The following DPY19L3 variants were observed in gnomAD, a reference collection of about 807,000 sequenced individuals.
The protein encoded by DPY19L3 is dpy-19 like C-mannosyltransferase 3.
Under a neutral mutation model 92.3 loss-of-function variants are expected in DPY19L3, and 51 were observed. The observed-to-expected ratio is 0.55, with a 90% CI of 0.44 to 0.70. DPY19L3 has a LOEUF of 0.70. Among genes scored for constraint, DPY19L3 ranks in the 30% least tolerant of loss-of-function variants. DPY19L3 has a pLI of 0.00. For missense variants in DPY19L3, 706 were observed against 855.9 expected (o/e 0.82, Z 2.18); for synonymous variants, 309 against 315.2 (o/e 0.98, Z 0.21).
At chr19:32,468,378 G>A (rs1970258011) in intron 15 of DPY19L3, 2 of 1,017,386 alleles carry the variant, frequency 2.0e-6, no homozygotes, top group Admixed American at 5.4e-5. Context: ...CTAACGGATT[G>A]TGAACTTTCT....
At chr19:32,447,877 A>G (rs528529702) in intron 8 of DPY19L3, among the ~76,000 whole-genome samples, 70 of 151,826 alleles carry the variant, frequency 4.6e-4, no homozygotes, top group African/African-American at 1.6e-3. Context: ...TCTTTGAAAG[A>G]TTAGTAAAAT....
chr19:32,452,017 C>T (rs2145557363), intron 8 of DPY19L3, among the ~76,000 whole-genome samples: 1 of 152,250 alleles, frequency 6.6e-6, no homozygotes, highest in South Asian at 2.1e-4. Context: ...TTTATAGAGA[C>T]ACGGTCTCGC....
intron 3 of DPY19L3, among the ~76,000 whole-genome samples, chr19:32,414,231 T>C (rs573322916): frequency 2.6e-5 from 4 of 152,116 alleles, no homozygotes; most frequent in African/African-American, 9.6e-5. Flanking sequence ...CCATCCTGGC[T>C]AACACGGTGA....
chr19:32,413,264 A>G (rs541013347), intron 3 of DPY19L3: 44 of 152,330 alleles, frequency 2.9e-4, no homozygotes, highest in Admixed American at 1.0e-3. Flanking sequence ...AAGTTTTCCA[A>G]AACATTTTGA....
intron 9 of DPY19L3, among the ~76,000 whole-genome samples, chr19:32,454,601 G>T (rs934519834): frequency 6.6e-5 from 10 of 151,936 alleles, no homozygotes; most frequent in Non-Finnish European, 1.5e-4. Flanking sequence ...AGAAAAAGAT[G>T]TAACAGTTTG....
intron 3 of DPY19L3, among the ~76,000 whole-genome samples, chr19:32,414,885 C>A (rs1039319127): frequency 7.9e-5 from 12 of 152,162 alleles, no homozygotes; most frequent in African/African-American, 2.9e-4. Flanking sequence ...GTTTTTCTCT[C>A]TTTACTTTCA....
Position 32,484,494 on chromosome 19 carries a change from T to C in DPY19L3, c.*2254T>C, listed in dbSNP as rs1384378979. 5 of 152,170 alleles carry C rather than the reference T, an allele frequency of 3.3e-5. No individual in the cohort carries two copies. Among genetic ancestry groups the C allele is most frequent in the Admixed American group, 2.6e-4 (4 of 15,274 alleles). 9.4% of individuals were successfully genotyped at this position (152,170 alleles called of 1,614,324 possible). A position where few individuals can be genotyped will look rare whatever the true frequency, so the allele number is the denominator to read the frequency against. On this transcript the variant is annotated 3_prime_UTR_variant, in exon 19 of 19. Coordinates refer to ENST00000392250, the MANE Select transcript of DPY19L3 (RefSeq NM_001172774.2). ...CCTGGGTGGTGATAACCTCAAAGAA[T>C]GGCTCTGTTTTCTATTGACAGAAAA...
Position 32,484,260 on chromosome 19 carries a change from A to G in DPY19L3, c.*2020A>G, listed in dbSNP as rs1970744132. 6.5e-6 allele frequency: 1 copy of G among 152,750 alleles called. No homozygotes were observed. The highest frequency in any genetic ancestry group is 3.4e-3 in the Middle Eastern group (1 of 294). The allele number at this position is 152,750 out of a possible 1,614,324, so 9.5% of individuals were successfully genotyped here. A position where few individuals can be genotyped will look rare whatever the true frequency, so the allele number is the denominator to read the frequency against. Reference sequence around the variant, plus strand: ...TCTTTCCAAGACACTGTGACCATGTACAGTAGCTATTTCCTGATGACCAAA... The same window carrying G: ...TCTTTCCAAGACACTGTGACCATGTGCAGTAGCTATTTCCTGATGACCAAA... On this transcript the variant is annotated 3_prime_UTR_variant, in exon 19 of 19. Coordinates refer to ENST00000392250, the MANE Select transcript of DPY19L3 (RefSeq NM_001172774.2).
At chr19:32,426,912 G>A (rs966943193) in intron 3 of DPY19L3, among the ~76,000 whole-genome samples, 1 of 152,214 alleles carries the variant, frequency 6.6e-6, no homozygotes, top group Admixed American at 6.5e-5. Flanking sequence ...GCAAAGGGCG[G>A]GAAAGTGAGG....
intron 15 of DPY19L3, 82 bp downstream of exon 15, chr19:32,464,866 TG>T: frequency 2.0e-6 from 2 of 1,002,078 alleles, no homozygotes; most frequent in Non-Finnish European, 2.9e-6. Context: ...GTGTATTATT[TG>T]GCAAATAGAG....
At chr19:32,428,467 C>A (rs1968843857) in intron 3 of DPY19L3, among the ~76,000 whole-genome samples, 1 of 152,096 alleles carries the variant, frequency 6.6e-6, no homozygotes, top group Non-Finnish European at 1.5e-5. Flanking sequence ...TAGGAATAGG[C>A]AGCCAAGGAG....
At chr19:32,453,048 T>C in intron 8 of DPY19L3, 97 bp from the exon 9 acceptor site, 2 of 1,379,322 alleles carry the variant, frequency 1.4e-6, no homozygotes, top group Non-Finnish European at 2.0e-6. Context: ...TCTGCATTAT[T>C]TGTAAGCTGA....
At chr19:32,408,051 C>T (rs1412388703) in intron 1 of DPY19L3, among the ~76,000 whole-genome samples, 166 bp from the exon 2 acceptor site, 2 of 151,790 alleles carry the variant, frequency 1.3e-5, no homozygotes, top group African/African-American at 4.8e-5. Context: ...TGCCGCTGCA[C>T]TCCAGCCTGA....
chr19:32,414,206 G>A (rs1410781222), intron 3 of DPY19L3, among the ~76,000 whole-genome samples: 1 of 152,038 alleles, frequency 6.6e-6, no homozygotes, highest in Non-Finnish European at 1.5e-5. Flanking sequence ...GGATCACGAG[G>A]TTAGGAAATT....
At chr19:32,466,301 G>C (rs945448994) in intron 15 of DPY19L3, among the ~76,000 whole-genome samples, 1 of 152,188 alleles carries the variant, frequency 6.6e-6, no homozygotes, top group Non-Finnish European at 1.5e-5. Context: ...ATGTGTTTGG[G>C]TCCCACTCCA....
In DPY19L3 at chr19:32,437,111, G is replaced by A; in HGVS notation, c.451-83G>A. 2.6e-6 allele frequency: 4 copies of A among 1,539,662 alleles called. No homozygotes were observed. In the East Asian group the frequency reaches 6.7e-5, roughly 26 times the overall value. On this transcript the variant is annotated intron_variant, in intron 5 of 18. Transcript: ENST00000392250. ...AATTAGAGGCAAGCTCCTGCATATT[G>A]TATTCCTACTGTCATGTTTTAAATG...
At chr19:32,434,770 C>T (rs1382001481) in intron 4 of DPY19L3, among the ~76,000 whole-genome samples, 1 of 152,200 alleles carries the variant, frequency 6.6e-6, no homozygotes, top group African/African-American at 2.4e-5. Context: ...GTTAGGGAGC[C>T]ACATGGTCAG....
intron 3 of DPY19L3, 120 bp from the exon 4 acceptor site, chr19:32,432,594 TGA>T: frequency 1.3e-6 from 1 of 759,488 alleles, no homozygotes. Flanking sequence ...CAAGATTTTT[TGA>T]GACTATATTT....
At chr19:32,450,446 C>A (rs74256499) in intron 8 of DPY19L3, among the ~76,000 whole-genome samples, 43 of 152,240 alleles carry the variant, frequency 2.8e-4, no homozygotes, top group East Asian at 2.3e-3. Context: ...ATATTCATAG[C>A]AGTGTGATTC....
Sources: gnomAD v4.1 joint callset for allele counts (sites outside exome capture counted in the v4.1 genomes callset) on GRCh38, gnomAD v4.1.1 for gene constraint, MANE v1.5 for transcripts, NCBI Gene and HGNC (gene_info 2026-07-23, HGNC 2026-07-21) for gene names.